KIFC3: variants seen among roughly 807,000 people sequenced by gnomAD.
KIFC3 encodes the protein kinesin family member C3.
Under a neutral mutation model 101.8 loss-of-function variants are expected in KIFC3, and 60 were observed. That is an observed-to-expected ratio of 0.59 (90% CI 0.48 to 0.73). The LOEUF (loss-of-function observed/expected upper bound fraction) is 0.73, where lower values mean the gene tolerates loss of function less well. KIFC3 is among the 30% of genes least tolerant of loss of function. KIFC3 has a pLI of 0.00. For missense variants in KIFC3, 966 were observed against 1,137.1 expected, an observed-to-expected ratio of 0.85 and a Z score of 2.16; for synonymous variants, 476 against 482.7, an observed-to-expected ratio of 0.99 and a Z score of 0.18.
At chr16:57,764,657 G>T (rs1429147386) in intron 11 of KIFC3, among the ~76,000 whole-genome samples, 1 of 152,248 alleles carries the variant, frequency 6.6e-6, no homozygotes, top group Non-Finnish European at 1.5e-5. Context: ...TGGCAGGTTG[G>T]TCTGGGCAGA....
Position 57,770,485 on chromosome 16 carries a change from T to C in KIFC3, c.939+42A>G, listed in dbSNP as rs781991650. On this transcript the variant is annotated intron_variant, in intron 7 of 19. Transcript: ENST00000445690. ...ATGCATTGGCCCAAGGGCCTGCCTC[T>C]GGCTTCCTGGCTGGGCATGTGCCCC... The C allele has an allele frequency of 2.9e-6, 4 of 1,357,410 alleles. No individual in the cohort carries two copies. The Admixed American group carries it at 1.4e-4, about 48-fold the overall frequency. The allele number at this position is 1,357,410 out of a possible 1,614,324, so 84.1% of individuals were successfully genotyped here. A position where few individuals can be genotyped will look rare whatever the true frequency, so the allele number is the denominator to read the frequency against.
intron 3 of KIFC3, among the ~76,000 whole-genome samples, chr16:57,790,379 G>GC (rs2053768694): frequency 1.2e-5 from 1 of 86,000 alleles, no homozygotes; most frequent in African/African-American, 4.1e-5. Flanking sequence ...ACCATGCCCA[G>GC]CTTTTTTTTT....
chr16:57,759,816 C>T lies in KIFC3; in HGVS notation c.2388G>A (p.Thr796=), dbSNP rs782793025. The change falls in exon 18 of 20, where the codon ACG becomes ACA. Residue 796 remains threonine (T), a synonymous_variant. Coordinates refer to ENST00000445690, the MANE Select transcript of KIFC3 (RefSeq NM_001130100.2). ...AGTGGGCCCGTGCCGAGGGCTGTGG[C>T]GTCTGACAAGCCGGCTCCCACTGTG... is the stretch of plus-strand genomic sequence containing the variant. ...EHLEWEPACQ[T]PQPSARAHSA... is the part of the protein sequence containing the mutation. The T allele has an allele frequency of 6.8e-6, 11 of 1,609,110 alleles. No individual in the cohort carries two copies. Among genetic ancestry groups the T allele is most frequent in the Admixed American group, 1.7e-5 (1 of 59,246 alleles).
At chr16:57,786,152 C>A (rs561406581) in intron 3 of KIFC3, among the ~76,000 whole-genome samples, 1 of 152,270 alleles carries the variant, frequency 6.6e-6, no homozygotes, top group South Asian at 2.1e-4. Flanking sequence ...AGAGGGGAGC[C>A]AGGGGAGCCG....
At chr16:57,850,696 G>A (rs192668771) in intron 1 of KIFC3, among the ~76,000 whole-genome samples, 4 of 151,250 alleles carry the variant, frequency 2.6e-5, no homozygotes, top group African/African-American at 4.9e-5. Flanking sequence ...GGCTGGTCTC[G>A]AACTCCCGAC....
At chr16:57,766,385 T>C (rs2050489821) in intron 10 of KIFC3, among the ~76,000 whole-genome samples, 1 of 152,150 alleles carries the variant, frequency 6.6e-6, no homozygotes, top group Admixed American at 6.5e-5. Context: ...AGGGTTGGGG[T>C]TCCCTGACAA....
intron 1 of KIFC3, among the ~76,000 whole-genome samples, chr16:57,839,231 A>T (rs1234371858): frequency 1.3e-5 from 2 of 151,926 alleles, no homozygotes; most frequent in African/African-American, 4.8e-5. Flanking sequence ...GGGTGATGAT[A>T]TCCATCCCCT....
chr16:57,761,392 C>A, intron 14 of KIFC3, 21 bp downstream of exon 14: 2 of 1,613,764 alleles, frequency 1.2e-6, no homozygotes, highest in South Asian at 2.2e-5. Context: ...TGGCTGTGGT[C>A]AGGGGCTCCC....
intron 1 of KIFC3, among the ~76,000 whole-genome samples, chr16:57,826,080 C>T (rs2965785): frequency 0.089 from 13,483 of 152,350 alleles, 815 homozygotes; most frequent in Middle Eastern, 0.19. Flanking sequence ...CCTCCGTCCT[C>T]TGCCTCCCTC....
chr16:57,820,696 T>C (rs1173923315), intron 1 of KIFC3, among the ~76,000 whole-genome samples: 1 of 152,236 alleles, frequency 6.6e-6, no homozygotes, highest in Admixed American at 6.5e-5. Context: ...ATTTGCTTCT[T>C]AATCGTCTTT....
chr16:57,778,417 A>G (rs2052367036), intron 3 of KIFC3, among the ~76,000 whole-genome samples: 1 of 152,256 alleles, frequency 6.6e-6, no homozygotes, highest in South Asian at 2.1e-4. Context: ...AAGCACAGGC[A>G]ATAAAAGAAA....
chr16:57,765,632 G>T lies in KIFC3; in HGVS notation c.1339C>A (p.Arg447=), dbSNP rs782602933. ...ACTGGCCGGACACGAGCAATCACTC[G>T]GATGTTCCCTGGATTGGTTGGGGAT... ...NELVRLKGNI[R]VIARVRPVTK... Residue 447 remains arginine, a synonymous_variant, in exon 11 of 20, where the codon CGA becomes AGA. Coordinates refer to ENST00000445690, the MANE Select transcript of KIFC3 (RefSeq NM_001130100.2). The T allele has an allele frequency of 6.2e-7, 1 of 1,610,204 alleles. No homozygotes were observed. The highest frequency in any genetic ancestry group is 8.5e-7 in the Non-Finnish European group (1 of 1,178,126).
At chr16:57,783,183 A>G (rs185510848) in intron 3 of KIFC3, among the ~76,000 whole-genome samples, 41 of 152,350 alleles carry the variant, frequency 2.7e-4, no homozygotes, top group African/African-American at 9.6e-4. Context: ...AAACCTCTTT[A>G]AAGTCACAAA....
At chr16:57,790,443 C>G (rs1417176166) in intron 3 of KIFC3, among the ~76,000 whole-genome samples, 4 of 133,354 alleles carry the variant, frequency 3.0e-5, no homozygotes, top group East Asian at 4.3e-4. Context: ...CAAACAATTT[C>G]TGTGTGTCTT....
At chr16:57,760,004 G>A (rs2148825882) in intron 17 of KIFC3, 168 bp from the exon 18 acceptor site, 4 of 618,490 alleles carry the variant, frequency 6.5e-6, no homozygotes, top group South Asian at 2.0e-5. Context: ...AATTAAATGA[G>A]ATAATTCATG....
At chr16:57,857,807 TTTC>T (rs1346027506) in intron 1 of KIFC3, among the ~76,000 whole-genome samples, 54 of 82,156 alleles carry the variant, frequency 6.6e-4, no homozygotes, top group South Asian at 8.1e-4. Flanking sequence ...ATTTCTTTTC[TTTC>T]TTTCTTTCTT....
chr16:57,857,910 T>A (rs11864395), intron 1 of KIFC3, among the ~76,000 whole-genome samples: 15,485 of 142,766 alleles, frequency 0.11, 1,429 homozygotes, highest in African/African-American at 0.25. Context: ...CACTGCAACT[T>A]CCGCCTCCTG....
intron 2 of KIFC3, among the ~76,000 whole-genome samples, chr16:57,797,085 G>A (rs1224007277): frequency 1.3e-5 from 2 of 152,218 alleles, no homozygotes; most frequent in Non-Finnish European, 2.9e-5. Flanking sequence ...AGAGACCTCG[G>A]AAGGCATCAG....
At position 57,758,736 on chromosome 16, in the gene KIFC3, C is replaced by T. The variant is rs554209246; in HGVS notation, c.*198G>A. 1.6e-4 allele frequency: 141 copies of T among 896,882 alleles called. 1 individual carries two copies. Among genetic ancestry groups the T allele is most frequent in the African/African-American group, 1.3e-3 (82 of 61,468 alleles). 55.6% of individuals were successfully genotyped at this position (896,882 alleles called of 1,614,324 possible). On this transcript the variant is annotated 3_prime_UTR_variant, in exon 20 of 20. Coordinates refer to ENST00000445690, the MANE Select transcript of KIFC3 (RefSeq NM_001130100.2). The stretch of plus-strand genomic sequence containing the variant: ...ACTCAGAGCCACAGCCGAGAGACAC[C>T]GTTTCCTTCTGAACATGTTTCTCAT...
Sources: gnomAD v4.1 joint callset for allele counts (sites outside exome capture counted in the v4.1 genomes callset) on GRCh38, gnomAD v4.1.1 for gene constraint, MANE v1.5 for transcripts, NCBI Gene and HGNC (gene_info 2026-07-23, HGNC 2026-07-21) for gene names.